The following NECAB1 variants were observed in gnomAD, a reference collection of about 807,000 sequenced individuals.
NECAB1 encodes the protein N-terminal EF-hand calcium binding protein 1, also known as N-terminal EF-hand calcium-binding protein 1.
NECAB1 carries 29 observed loss-of-function variants against 57.5 expected under a neutral mutation model. The ratio of observed to expected loss-of-function variants is 0.50; its 90% CI spans 0.38 to 0.69. NECAB1 has a LOEUF of 0.69. Among genes scored for constraint, NECAB1 ranks in the 30% least tolerant of loss-of-function variants. The pLI, the probability that NECAB1 is intolerant of heterozygous loss-of-function variation, is 0.00. For synonymous variants in NECAB1, 142 were observed against 147.7 expected (o/e 0.96, Z 0.28); for missense variants, 372 against 413.8 (o/e 0.90, Z 0.88).
chr8:90,958,619 G>A lies in NECAB1; in HGVS notation c.*3107G>A, dbSNP rs1811075858. On this transcript the variant is annotated 3_prime_UTR_variant, in exon 13 of 13. Transcript: ENST00000417640. ...ACAGAAGGAACTTTAAAAGCAACAA[G>A]CAATTATGTACCATATATACACTGT... is the stretch of plus-strand genomic sequence containing the variant. 5.8e-6 allele frequency: 1 copy of A among 171,818 alleles called. No homozygotes were observed. The highest frequency in any genetic ancestry group is 2.4e-5 in the African/African-American group (1 of 41,526). 10.6% of individuals were successfully genotyped at this position (171,818 alleles called of 1,614,324 possible).
rs1355853157 is a variant in NECAB1, at chr8:90,853,854, T to G, written c.234-18274T>G. Among the ~76,000 whole-genome samples, 4 of 152,256 alleles carry G rather than the reference T, an allele frequency of 2.6e-5. No homozygotes were observed. In the East Asian group the frequency reaches 7.7e-4, roughly 29 times the overall value. On this transcript the variant is annotated intron_variant, in intron 3 of 12. Transcript: ENST00000417640. ...CAGGAGATGGGAGATAAGTCTCAAA[T>G]CTGTCCCCCTAACCCACTAAAAATA...
In NECAB1 at chr8:90,791,813, T is replaced by C; in HGVS notation, c.-74T>C. On this transcript the variant is annotated 5_prime_UTR_variant, in exon 1 of 13. Coordinates refer to ENST00000417640, the MANE Select transcript of NECAB1 (RefSeq NM_022351.5). The stretch of plus-strand genomic sequence containing the variant: ...AGCCCGGCGGCGGCGAAGCAGCAGC[T>C]GCGGCCGCGCCCTTGCCAGAGCCGG... The C allele has an allele frequency of 2.4e-6, 3 of 1,261,146 alleles. No individual in the cohort carries two copies. The highest frequency in any genetic ancestry group is 2.6e-5 in the East Asian group (1 of 38,230). The allele number at this position is 1,261,146 out of a possible 1,614,324, so 78.1% of individuals were successfully genotyped here.
intron 6 of NECAB1, among the ~76,000 whole-genome samples, chr8:90,917,844 A>ATATT (rs1273413297): frequency 1.3e-5 from 1 of 77,052 alleles, no homozygotes; most frequent in African/African-American, 1.4e-4. Context: ...AGTAAACTAT[A>ATATT]TATATATATA....
chr8:90,891,233 A>G (rs1400715504), intron 5 of NECAB1, among the ~76,000 whole-genome samples: 1 of 152,206 alleles, frequency 6.6e-6, no homozygotes, highest in African/African-American at 2.4e-5. Context: ...TTTAATCATT[A>G]AGTAGCAGAG....
chr8:90,860,979 T>C (rs1413626527), intron 3 of NECAB1, among the ~76,000 whole-genome samples: 1 of 152,158 alleles, frequency 6.6e-6, no homozygotes, highest in Non-Finnish European at 1.5e-5. Flanking sequence ...CTCTCACTAA[T>C]TAATAGATTG....
rs527548601 is a variant in NECAB1, at chr8:90,816,683, T to A, written c.125-8034T>A. Among the ~76,000 whole-genome samples, 10 of 151,954 alleles carry A rather than the reference T, an allele frequency of 6.6e-5. No homozygotes were observed. The East Asian group carries it at 1.9e-3, about 29-fold the overall frequency. Reference sequence around the variant, plus strand: ...TGGACTCTAAATTCTGATCAGTTTATTTATGCATGTATTGTTTTACAATAC... The same window carrying A: ...TGGACTCTAAATTCTGATCAGTTTAATTATGCATGTATTGTTTTACAATAC... On this transcript the variant is annotated intron_variant, in intron 2 of 12. Transcript: ENST00000417640.
At chr8:90,911,102 T>C (rs1809820181) in intron 5 of NECAB1, among the ~76,000 whole-genome samples, 2 of 152,162 alleles carry the variant, frequency 1.3e-5, no homozygotes, top group African/African-American at 2.4e-5. Context: ...GCCACCAACA[T>C]GGCCATCTTC....
At chr8:90,872,431 G>C (rs1445310162) in intron 4 of NECAB1, 16 of 297,900 alleles carry the variant, frequency 5.4e-5, no homozygotes, top group Non-Finnish European at 9.9e-5. Flanking sequence ...CCACAAGTTT[G>C]AATATATTTT....
rs916476400 is a variant in NECAB1 at position 90,956,939 on chromosome 8, CACACGT to C, written c.*1428_*1433del. On this transcript the variant is annotated 3_prime_UTR_variant, in exon 13 of 13. Coordinates refer to ENST00000417640, the MANE Select transcript of NECAB1 (RefSeq NM_022351.5). ...AGTAAATTTTGATATATTGTACATA[CACACGT>C]GTGTGTGTGTGTGTGTGTGTGTGTG... The C allele has an allele frequency of 4.5e-5, 6 of 132,734 alleles. No individual in the cohort carries two copies. Among genetic ancestry groups the C allele is most frequent in the Non-Finnish European group, 9.4e-5 (6 of 63,822 alleles). 8.2% of individuals were successfully genotyped at this position (132,734 alleles called of 1,614,324 possible).
At chr8:90,860,096 G>A (rs561612210) in intron 3 of NECAB1, among the ~76,000 whole-genome samples, 2 of 152,128 alleles carry the variant, frequency 1.3e-5, no homozygotes, top group East Asian at 3.9e-4. Context: ...CCCACCAATT[G>A]TTCTCAACTT....
In NECAB1 at chr8:90,881,075, C is replaced by T. The variant is rs1433923276; in HGVS notation, c.302C>T (p.Ala101Val). 7 of 1,607,598 alleles carry T rather than the reference C, an allele frequency of 4.4e-6. No homozygotes were observed. The African/African-American group carries it at 8.0e-5, about 18-fold the overall frequency. The part of the protein sequence containing the change: ...QHLGEYENVL[A>V]ALEDLNLSIL... ...TTGGGCGAGTATGAGAATGTACTAG[C>T]AGCACTTGAAGACCTGAATCTTTCC... Residue 101 changes from alanine to valine, a missense_variant, in exon 5 of 13, where the codon GCA becomes GTA. Ala to Val is a moderately conservative substitution (Grantham distance 64). Transcript: ENST00000417640.
At chr8:90,914,749 T>C (rs1240535129) in intron 5 of NECAB1, among the ~76,000 whole-genome samples, 1 of 152,204 alleles carries the variant, frequency 6.6e-6, no homozygotes, top group African/African-American at 2.4e-5. Flanking sequence ...CTTTAACTTT[T>C]CTTAATTATC....
chr8:90,840,694 A>G (rs1812439462), intron 3 of NECAB1, among the ~76,000 whole-genome samples: 2 of 152,204 alleles, frequency 1.3e-5, no homozygotes, highest in Admixed American at 1.3e-4. Context: ...ATGTCAATAT[A>G]TGAGGTTTGT....
intron 3 of NECAB1, among the ~76,000 whole-genome samples, chr8:90,863,458 T>G (rs925918366): frequency 1.3e-5 from 2 of 152,148 alleles, no homozygotes; most frequent in Non-Finnish European, 2.9e-5. Flanking sequence ...TTCAAAAGAT[T>G]AAGACATTCT....
intron 3 of NECAB1, among the ~76,000 whole-genome samples, chr8:90,845,682 T>G (rs1812542829): frequency 6.6e-6 from 1 of 152,286 alleles, no homozygotes; most frequent in South Asian, 2.1e-4. Flanking sequence ...CAAGTAATAT[T>G]TGTCACCAGA....
chr8:90,930,392 G>A (rs1286284369), intron 8 of NECAB1, among the ~76,000 whole-genome samples: 1 of 152,206 alleles, frequency 6.6e-6, no homozygotes, highest in East Asian at 1.9e-4. Context: ...ACACATGAGA[G>A]AGAATTTGTG....
chr8:90,842,247 A>G (rs143021970), intron 3 of NECAB1, among the ~76,000 whole-genome samples: 343 of 152,332 alleles, frequency 2.3e-3, no homozygotes, highest in African/African-American at 8.0e-3. Context: ...TACATCATAG[A>G]CCATTGGAAG....
chr8:90,859,100 T>C (rs1278836194), intron 3 of NECAB1: 1 of 152,142 alleles, frequency 6.6e-6, no homozygotes, highest in Non-Finnish European at 1.5e-5. Context: ...CTGTCCTTCA[T>C]AAGTAATCAA....
At chr8:90,854,595 G>A (rs537857111) in intron 3 of NECAB1, among the ~76,000 whole-genome samples, 24 of 152,264 alleles carry the variant, frequency 1.6e-4, no homozygotes, top group African/African-American at 5.5e-4. Flanking sequence ...TTCAACTGAT[G>A]TATTAATGTA....
Sources: allele counts gnomAD v4.1 joint callset (sites outside exome capture counted in the v4.1 genomes callset), GRCh38; gene constraint gnomAD v4.1.1; transcripts MANE v1.5; gene names NCBI Gene and HGNC (gene_info 2026-07-23, HGNC 2026-07-21).